The following SUGCT variants were observed in gnomAD, a reference collection of about 807,000 sequenced individuals.
SUGCT encodes succinyl-CoA:glutarate CoA-transferase.
A neutral mutation model predicts 55.0 loss-of-function variants in SUGCT; 41 were observed. The observed-to-expected ratio is 0.74, with a 90% CI of 0.58 to 0.97. The LOEUF (loss-of-function observed/expected upper bound fraction) is 0.97, where lower values mean the gene tolerates loss of function less well. SUGCT is among the 50% of genes least tolerant of loss of function. The pLI is 0.00. For missense variants in SUGCT, 568 were observed against 547.8 expected (o/e 1.04, Z -0.37); for synonymous variants, 187 against 200.4 (o/e 0.93, Z 0.56).
chr7:40,974,016 G>T, the SUGCT span, among the ~76,000 whole-genome samples: 4 of 152,144 alleles, frequency 2.6e-5, no homozygotes, highest in Admixed American at 6.5e-5. Context: ...TATGGTATTT[G>T]CTTGAAGTCA....
chr7:40,726,268 G>A (rs902124605), intron 12 of SUGCT, among the ~76,000 whole-genome samples: 14 of 151,870 alleles, frequency 9.2e-5, no homozygotes, highest in Non-Finnish European at 1.2e-4. Flanking sequence ...TATATTATAT[G>A]TATTATATAC....
the SUGCT span, among the ~76,000 whole-genome samples, chr7:41,008,666 C>T: frequency 3.3e-5 from 5 of 152,030 alleles, no homozygotes; most frequent in African/African-American, 1.2e-4. Flanking sequence ...CTTGGGAGGC[C>T]TCTCGGTGGG....
At chr7:40,199,196 A>G (rs969004645) in intron 6 of SUGCT, among the ~76,000 whole-genome samples, 2 of 152,114 alleles carry the variant, frequency 1.3e-5, no homozygotes, top group African/African-American at 4.8e-5. Context: ...TGTTGGCCCT[A>G]TTGCTGATGA....
At chr7:41,002,684 AATG>A in the SUGCT span, among the ~76,000 whole-genome samples, 2 of 152,206 alleles carry the variant, frequency 1.3e-5, no homozygotes, top group African/African-American at 4.8e-5. Flanking sequence ...CGCTATTATG[AATG>A]ATAATACTAG....
At chr7:40,727,241 T>C (rs1786657216) in intron 12 of SUGCT, among the ~76,000 whole-genome samples, 1 of 152,346 alleles carries the variant, frequency 6.6e-6, no homozygotes, top group Middle Eastern at 3.4e-3. Flanking sequence ...TCTATTATTA[T>C]TGTCCCCTGG....
intron 9 of SUGCT, among the ~76,000 whole-genome samples, chr7:40,339,962 A>C (rs1228560318): frequency 1.3e-5 from 2 of 152,198 alleles, no homozygotes; most frequent in African/African-American, 4.8e-5. Flanking sequence ...GAAATCTATG[A>C]AAGCCTTTCT....
the SUGCT span, among the ~76,000 whole-genome samples, chr7:40,998,004 C>A: frequency 6.6e-6 from 1 of 152,140 alleles, no homozygotes; most frequent in African/African-American, 2.4e-5. Context: ...TGGAGTCCAT[C>A]CCTGGGATCT....
chr7:40,359,788 G>A (rs1161402703), intron 9 of SUGCT, among the ~76,000 whole-genome samples: 2 of 152,108 alleles, frequency 1.3e-5, no homozygotes, highest in Non-Finnish European at 2.9e-5. Context: ...TGTGTCAACT[G>A]CTTAGCACAG....
At chr7:40,470,199 G>A (rs752791094) in intron 11 of SUGCT, among the ~76,000 whole-genome samples, 62 of 152,130 alleles carry the variant, frequency 4.1e-4, no homozygotes, top group Non-Finnish European at 6.9e-4. Context: ...AATCTGGTTT[G>A]CTCCTCGGAC....
the SUGCT span, among the ~76,000 whole-genome samples, chr7:41,034,924 T>C: frequency 6.6e-6 from 1 of 152,144 alleles, no homozygotes; most frequent in Non-Finnish European, 1.5e-5. Flanking sequence ...GTGGTTCTGC[T>C]CCAGCTGCCC....
rs377717220 is a variant in SUGCT, at chr7:40,365,994, C to T, written c.816+49139C>T. Among the ~76,000 whole-genome samples the T allele has an allele frequency of 2.0e-3, 303 of 152,278 alleles. 12 individuals carry two copies. In the South Asian group the frequency reaches 0.059, roughly 30 times the overall value. On this transcript the variant is annotated intron_variant, in intron 9 of 13. Coordinates refer to ENST00000335693, the MANE Select transcript of SUGCT (RefSeq NM_001193313.2). ...CAAAAGAACAAAGCTGGAGGCATCA[C>T]GCTACCTGACTTCAAACTTTACTAC... is the stretch of plus-strand genomic sequence containing the variant.
At chr7:40,446,915 A>T (rs1788871043) in intron 9 of SUGCT, among the ~76,000 whole-genome samples, 1 of 152,208 alleles carries the variant, frequency 6.6e-6, no homozygotes, top group Non-Finnish European at 1.5e-5. Flanking sequence ...AGCTAGTGTG[A>T]CTATGGATCT....
chr7:40,361,561 G>C (rs551496122), intron 9 of SUGCT, among the ~76,000 whole-genome samples: 1 of 150,858 alleles, frequency 6.6e-6, no homozygotes, highest in East Asian at 1.9e-4. Flanking sequence ...GCGACACAGC[G>C]AGACTCCATC....
At chr7:40,896,065 A>C in the SUGCT span, among the ~76,000 whole-genome samples, 2 of 152,208 alleles carry the variant, frequency 1.3e-5, no homozygotes, top group East Asian at 3.8e-4. Flanking sequence ...AATTGTTTGC[A>C]AGTGACATGA....
At chr7:40,598,975 G>A (rs1404769545) in intron 12 of SUGCT, among the ~76,000 whole-genome samples, 8 of 152,144 alleles carry the variant, frequency 5.3e-5, no homozygotes, top group South Asian at 4.1e-4. Context: ...TTCTGTCCAC[G>A]ATTCTAAACT....
chr7:40,427,025 G>T (rs564547352), intron 9 of SUGCT, among the ~76,000 whole-genome samples: 2 of 151,846 alleles, frequency 1.3e-5, no homozygotes, highest in Non-Finnish European at 2.9e-5. Context: ...GCCCAGAATG[G>T]TCTTGAATTA....
intron 13 of SUGCT, among the ~76,000 whole-genome samples, chr7:40,773,672 A>G (rs370868966): frequency 1.5e-3 from 226 of 152,248 alleles, no homozygotes; most frequent in South Asian, 9.6e-3. Context: ...TTTTTGTCTG[A>G]GTTCCAAGTA....
rs538813821 is a variant in SUGCT, at chr7:40,247,135, C to T, written c.576+9409C>T. 8.5e-5 allele frequency among the ~76,000 whole-genome samples: 13 copies of T among 152,200 alleles called. No individual in the cohort carries two copies. In the South Asian group the frequency reaches 1.9e-3, roughly 22 times the overall value. ...TATATACCTACAAGTGAAAAACTAACGGGTCACAGGGTAGATGTATATTTA... is the reference window on the plus strand; with the variant it reads ...TATATACCTACAAGTGAAAAACTAATGGGTCACAGGGTAGATGTATATTTA... On this transcript the variant is annotated intron_variant, in intron 7 of 13. Coordinates refer to ENST00000335693, the MANE Select transcript of SUGCT (RefSeq NM_001193313.2).
chr7:40,537,163 T>G (rs2151608295), intron 12 of SUGCT, among the ~76,000 whole-genome samples: 1 of 152,310 alleles, frequency 6.6e-6, no homozygotes, highest in South Asian at 2.1e-4. Flanking sequence ...AGGAGCATCC[T>G]CTGTACTCCA....
Sources: gnomAD v4.1 joint callset for allele counts (sites outside exome capture counted in the v4.1 genomes callset) on GRCh38, gnomAD v4.1.1 for gene constraint, MANE v1.5 for transcripts, NCBI Gene and HGNC (gene_info 2026-07-23, HGNC 2026-07-21) for gene names.